GABRG3: variants seen among roughly 807,000 people sequenced by gnomAD.
GABRG3 encodes the protein gamma-aminobutyric acid type A receptor subunit gamma3, also known as gamma-aminobutyric acid receptor subunit gamma-3.
Under a neutral mutation model 48.8 loss-of-function variants are expected in GABRG3, and 25 were observed. That is an observed-to-expected ratio of 0.51 (90% CI 0.37 to 0.72). The LOEUF (loss-of-function observed/expected upper bound fraction) is 0.72, where lower values mean the gene tolerates loss of function less well. GABRG3 is among the 30% of genes least tolerant of loss of function. GABRG3 has a pLI of 0.00. For synonymous variants in GABRG3, 227 were observed against 217.6 expected (o/e 1.04, Z -0.38); for missense variants, 394 against 577.9 (o/e 0.68, Z 3.26).
chr15:27,313,486 C>T (rs1893101402), intron 3 of GABRG3, among the ~76,000 whole-genome samples: 1 of 150,706 alleles, frequency 6.6e-6, no homozygotes, highest in African/African-American at 2.4e-5. Flanking sequence ...ATCAAATGGA[C>T]CTAACACAAA....
chr15:27,145,383 T>G (rs1898179976), intron 3 of GABRG3, among the ~76,000 whole-genome samples: 1 of 150,948 alleles, frequency 6.6e-6, no homozygotes, highest in African/African-American at 2.4e-5. Flanking sequence ...AATTCTAGAG[T>G]TGAAACATAC....
At chr15:27,006,784 A>G (rs1895593128) in intron 2 of GABRG3, among the ~76,000 whole-genome samples, 1 of 151,676 alleles carries the variant, frequency 6.6e-6, no homozygotes, top group Non-Finnish European at 1.5e-5. Flanking sequence ...GCATTAGTTC[A>G]CTTAGGATAA....
intron 3 of GABRG3, among the ~76,000 whole-genome samples, chr15:27,184,723 A>G (rs1158022146): frequency 2.0e-5 from 3 of 152,190 alleles, no homozygotes. Context: ...TTTAATGGTT[A>G]TGGGACCATA....
At chr15:27,344,161 G>A (rs1894284848) in intron 5 of GABRG3, among the ~76,000 whole-genome samples, 1 of 152,162 alleles carries the variant, frequency 6.6e-6, no homozygotes, top group Non-Finnish European at 1.5e-5. Flanking sequence ...AGGGGTCTGG[G>A]GAGTGAGGAG....
intron 3 of GABRG3, chr15:27,280,443 T>G (rs1891398314): frequency 6.6e-6 from 1 of 151,996 alleles, no homozygotes; most frequent in Non-Finnish European, 1.5e-5. Context: ...AGAATCTTGT[T>G]TTTTAGTGTG....
At chr15:27,528,626 T>C (rs1333801534) in intron 9 of GABRG3, among the ~76,000 whole-genome samples, 2 of 152,198 alleles carry the variant, frequency 1.3e-5, no homozygotes, top group African/African-American at 2.4e-5. Context: ...CATCCCGAAC[T>C]TTCCCTGCAT....
chr15:27,113,932 T>C (rs1897598962), intron 3 of GABRG3, among the ~76,000 whole-genome samples: 1 of 152,198 alleles, frequency 6.6e-6, no homozygotes, highest in Non-Finnish European at 1.5e-5. Flanking sequence ...AACCAGCTCA[T>C]TATTTTGCAA....
At position 27,520,884 on chromosome 15, in the gene GABRG3, T is replaced by G. The variant is rs112066872; in HGVS notation, c.865+760T>G. On this transcript the variant is annotated intron_variant, in intron 7 of 9. Coordinates refer to ENST00000615808, the MANE Select transcript of GABRG3 (RefSeq NM_033223.5). The stretch of plus-strand genomic sequence containing the variant: ...ATATTTGCATTGTTATTTCTCTGTG[T>G]TTTTTTTTTATTTGTTTGTTCAAGA... Among the ~76,000 whole-genome samples, 112 of 23,348 alleles carry G rather than the reference T, an allele frequency of 4.8e-3. 1 individual carries two copies. The African/African-American group carries it at 0.068, about 14-fold the overall frequency. The allele number at this position is 23,348 out of a possible 152,430, so 15.3% of individuals were successfully genotyped here.
chr15:27,044,903 C>T (rs1595490859), intron 3 of GABRG3, among the ~76,000 whole-genome samples: 1 of 152,316 alleles, frequency 6.6e-6, no homozygotes, highest in East Asian at 1.9e-4. Flanking sequence ...ATAAGTTAGC[C>T]TTTCAATTTA....
chr15:27,041,231 G>A (rs1418774741), intron 3 of GABRG3, among the ~76,000 whole-genome samples: 1 of 152,062 alleles, frequency 6.6e-6, no homozygotes, highest in African/African-American at 2.4e-5. Flanking sequence ...CACCCAGGCT[G>A]GAGCACAGAG....
At chr15:27,151,836 A>G (rs1019103566) in intron 3 of GABRG3, among the ~76,000 whole-genome samples, 61 of 152,230 alleles carry the variant, frequency 4.0e-4, no homozygotes, top group African/African-American at 1.3e-3. Flanking sequence ...TCTGGACAAC[A>G]CCTTGGTTGA....
intron 3 of GABRG3, among the ~76,000 whole-genome samples, chr15:27,172,974 G>A (rs1437348342): frequency 1.3e-5 from 2 of 152,230 alleles, no homozygotes; most frequent in African/African-American, 2.4e-5. Flanking sequence ...ACACAAATGA[G>A]GCCGCCAGCA....
intron 5 of GABRG3, among the ~76,000 whole-genome samples, chr15:27,439,599 G>A (rs181730453): frequency 6.6e-6 from 1 of 152,288 alleles, no homozygotes; most frequent in East Asian, 1.9e-4. Flanking sequence ...ATCCTCCCAG[G>A]GCTGGCTGGA....
chr15:27,203,652 C>A (rs866098749), intron 3 of GABRG3, among the ~76,000 whole-genome samples: 6 of 152,094 alleles, frequency 3.9e-5, no homozygotes, highest in African/African-American at 1.4e-4. Flanking sequence ...AATTTACATT[C>A]CCCAGTAGTA....
chr15:27,057,395 T>TA, intron 3 of GABRG3, among the ~76,000 whole-genome samples: 2 of 152,340 alleles, frequency 1.3e-5, no homozygotes, highest in Non-Finnish European at 1.5e-5. Flanking sequence ...CATCAACACT[T>TA]ACGGTGATTT....
At chr15:27,325,789 G>GAA (rs896109765) in intron 3 of GABRG3, among the ~76,000 whole-genome samples, 36 of 152,252 alleles carry the variant, frequency 2.4e-4, no homozygotes, top group Admixed American at 7.8e-4. Context: ...TTATAAACCT[G>GAA]AAATTGAATT....
At chr15:27,330,335 G>A (rs976515928) in intron 5 of GABRG3, among the ~76,000 whole-genome samples, 13 of 152,202 alleles carry the variant, frequency 8.5e-5, no homozygotes, top group African/African-American at 3.1e-4. Flanking sequence ...TTTCTTCATT[G>A]AATGTTATAG....
At chr15:27,171,585 G>T (rs1310606092) in intron 3 of GABRG3, among the ~76,000 whole-genome samples, 1 of 150,844 alleles carries the variant, frequency 6.6e-6, no homozygotes, top group Non-Finnish European at 1.5e-5. Flanking sequence ...TAGAGAGAGA[G>T]AGATGCTATA....
At chr15:27,024,586 G>A (rs1329808455) in intron 2 of GABRG3, among the ~76,000 whole-genome samples, 1 of 152,144 alleles carries the variant, frequency 6.6e-6, no homozygotes, top group Non-Finnish European at 1.5e-5. Context: ...AATGGTCTTG[G>A]CAACTTTGTG....
Sources: allele counts gnomAD v4.1 joint callset (sites outside exome capture counted in the v4.1 genomes callset), GRCh38; gene constraint gnomAD v4.1.1; transcripts MANE v1.5; gene names NCBI Gene and HGNC (gene_info 2026-07-23, HGNC 2026-07-21).